PHF14: variants seen among roughly 807,000 people sequenced by gnomAD.
PHF14 encodes PHD finger protein 14.
In PHF14, 55 loss-of-function variants were observed where a neutral mutation model predicts 117.9. The observed-to-expected ratio is 0.47, with a 90% CI of 0.38 to 0.58. The LOEUF (loss-of-function observed/expected upper bound fraction) is 0.58. Ranked by LOEUF, PHF14 falls within the 20% of genes least tolerant of loss-of-function variation. PHF14 has a pLI of 0.00. For synonymous variants in PHF14, 409 were observed against 368.6 expected (o/e 1.11, Z -1.26); for missense variants, 978 against 1,122.2 (o/e 0.87, Z 1.84).
chr7:10,978,051 G>A (rs1263490445), intron 2 of PHF14, among the ~76,000 whole-genome samples: 1 of 152,128 alleles, frequency 6.6e-6, no homozygotes, highest in Non-Finnish European at 1.5e-5. Context: ...AAGTAAAATG[G>A]GGTTAACTTT....
In PHF14 at chr7:11,155,102, G is replaced by C. The variant is rs139571102; in HGVS notation, c.2773-14314G>C. Among the ~76,000 whole-genome samples, 104 of 152,246 alleles carry C rather than the reference G, an allele frequency of 6.8e-4. 4 individuals are homozygous for C. In the East Asian group the frequency reaches 0.017, roughly 25 times the overall value. ...CCTAGAAAGAGGAAAGAATAGACTT[G>C]ATTGTGCTTTCTGTGGGCCAGGATT... On this transcript the variant is annotated intron_variant, in intron 17 of 17. Transcript: ENST00000634607.
rs775113602 is a variant in PHF14 at position 10,989,396 on chromosome 7, T to A, written c.901-1307T>A. On this transcript the variant is annotated intron_variant, in intron 3 of 17. Coordinates refer to ENST00000634607, the MANE Select transcript of PHF14 (RefSeq NM_001007157.2). Reference sequence around the variant, plus strand: ...TGAAAAATATATATTGTGTATTGTATGAAACTAATTTATTAAATTTATTTC... The same window carrying A: ...TGAAAAATATATATTGTGTATTGTAAGAAACTAATTTATTAAATTTATTTC... 5.3e-5 allele frequency among the ~76,000 whole-genome samples: 8 copies of A among 152,250 alleles called. No homozygotes were observed. The South Asian group carries it at 6.2e-4, about 12-fold the overall frequency.
intron 16 of PHF14, among the ~76,000 whole-genome samples, chr7:11,094,733 A>G (rs1162734197): frequency 6.6e-6 from 1 of 152,106 alleles, no homozygotes; most frequent in East Asian, 1.9e-4. Flanking sequence ...GCAAACCTTT[A>G]AAATTTATAA....
intron 6 of PHF14, among the ~76,000 whole-genome samples, chr7:11,023,449 C>T (rs12674325): frequency 0.013 from 1,925 of 152,248 alleles, 41 homozygotes; most frequent in East Asian, 0.1. Context: ...TATGTGTGTT[C>T]TGACTGCTTC....
At chr7:11,073,263 A>G (rs1785693152) in intron 16 of PHF14, among the ~76,000 whole-genome samples, 1 of 152,210 alleles carries the variant, frequency 6.6e-6, no homozygotes, top group Non-Finnish European at 1.5e-5. Context: ...ATCAAAAACA[A>G]GTTATTTACT....
At chr7:11,144,520 T>C (rs1165769113) in intron 17 of PHF14, among the ~76,000 whole-genome samples, 1 of 150,570 alleles carries the variant, frequency 6.6e-6, no homozygotes, top group African/African-American at 2.4e-5. Context: ...GCATTATAAT[T>C]AATAAACTAT....
At position 10,982,527 on chromosome 7, in the gene PHF14, C is replaced by A; in HGVS notation, c.268C>A (p.Leu90Ile). Residue 90 changes from leucine (L) to isoleucine (I), a missense_variant, in exon 3 of 18, where the codon CTA (leucine) becomes ATA (isoleucine). By Grantham distance (5) the Leu-to-Ile change is conservative (BLOSUM62 2). Transcript: ENST00000634607. ...TAAAAATTCTGCAGAGGAAGAAGTACTATCATCAGAAAAACAATTAATTAA... is the reference window on the plus strand; with the variant it reads ...TAAAAATTCTGCAGAGGAAGAAGTAATATCATCAGAAAAACAATTAATTAA... ...QLKNSAEEEV[L>I]SSEKQLIKME... 1 of 1,523,792 alleles carries A rather than the reference C, an allele frequency of 6.6e-7. No individual in the cohort carries two copies. The highest frequency in any genetic ancestry group is 8.9e-7 in the Non-Finnish European group (1 of 1,119,854). 94.4% of individuals were successfully genotyped at this position (1,523,792 alleles called of 1,614,324 possible).
intron 17 of PHF14, among the ~76,000 whole-genome samples, chr7:11,121,472 A>G (rs767493185): frequency 3.9e-4 from 60 of 152,116 alleles, no homozygotes; most frequent in Non-Finnish European, 7.1e-4. Context: ...TGCCTACTTA[A>G]TTGCAGGGGT....
At chr7:10,978,737 C>T (rs1436283409) in intron 2 of PHF14, among the ~76,000 whole-genome samples, 2 of 152,142 alleles carry the variant, frequency 1.3e-5, no homozygotes, top group Non-Finnish European at 2.9e-5. Flanking sequence ...CTACCTGCCC[C>T]AGCCTCACCT....
intron 16 of PHF14, among the ~76,000 whole-genome samples, chr7:11,074,897 C>T (rs536535340): frequency 1.3e-5 from 2 of 151,560 alleles, no homozygotes; most frequent in East Asian, 1.9e-4. Flanking sequence ...AACCTCTGCC[C>T]ATTACCCAGT....
At chr7:11,050,355 A>G (rs1784818601) in intron 13 of PHF14, among the ~76,000 whole-genome samples, 1 of 152,216 alleles carries the variant, frequency 6.6e-6, no homozygotes, top group Non-Finnish European at 1.5e-5. Context: ...AGAGAATACT[A>G]TCAAACTTTT....
At chr7:11,009,816 G>C (rs1406438359) in intron 4 of PHF14, among the ~76,000 whole-genome samples, 1 of 152,200 alleles carries the variant, frequency 6.6e-6, no homozygotes, top group Non-Finnish European at 1.5e-5. Context: ...GTTGTTCTTT[G>C]AGCTTGCACA....
At position 11,138,165 on chromosome 7, in the gene PHF14, C is replaced by T. The variant is rs564034406; in HGVS notation, c.2772+26698C>T. Among the ~76,000 whole-genome samples, 12 of 151,982 alleles carry T rather than the reference C, an allele frequency of 7.9e-5. No homozygotes were observed. In the South Asian group the frequency reaches 8.3e-4, roughly 11 times the overall value. On this transcript the variant is annotated intron_variant, in intron 17 of 17. Transcript: ENST00000634607. ...ACGCCATTCTCCTGCCTCAGCCTCC[C>T]GAGTAGCTGGGATTACATGTGCTCG...
In PHF14 at chr7:11,105,030, AG is replaced by A. The variant is rs747564200; in HGVS notation, c.2655-6319del. On this transcript the variant is annotated intron_variant, in intron 16 of 17. Coordinates refer to ENST00000634607, the MANE Select transcript of PHF14 (RefSeq NM_001007157.2). ...AATTTTTTTTAATTTTATAAAATTT[AG>A]TTAAATGTTTGTTTTACACTGACTA... The A allele has an allele frequency of 7.0e-4, 627 of 894,474 alleles. 1 individual carries two copies. The highest frequency in any genetic ancestry group is 8.1e-4 in the Non-Finnish European group (608 of 747,460). The allele number at this position is 894,474 out of a possible 1,614,324, so 55.4% of individuals were successfully genotyped here.
intron 17 of PHF14, among the ~76,000 whole-genome samples, chr7:11,151,298 G>A (rs1788696269): frequency 6.6e-6 from 1 of 152,080 alleles, no homozygotes; most frequent in African/African-American, 2.4e-5. Context: ...TTTCTCACCT[G>A]TAATCCGAAC....
intron 17 of PHF14, among the ~76,000 whole-genome samples, chr7:11,137,200 C>G (rs1164758985): frequency 6.6e-6 from 1 of 152,142 alleles, no homozygotes; most frequent in Non-Finnish European, 1.5e-5. Flanking sequence ...AAAATATATA[C>G]AAAATTAATG....
At chr7:11,077,778 G>A (rs1785923209) in intron 16 of PHF14, among the ~76,000 whole-genome samples, 1 of 152,020 alleles carries the variant, frequency 6.6e-6, no homozygotes, top group South Asian at 2.1e-4. Flanking sequence ...AGTTAAATGA[G>A]TGGAGCAATA....
At chr7:11,124,939 CAAAGATATTTTAAAACAAATAAGTTGATT>C (rs1255340230) in intron 17 of PHF14, among the ~76,000 whole-genome samples, 1 of 151,964 alleles carries the variant, frequency 6.6e-6, no homozygotes, top group Non-Finnish European at 1.5e-5. Flanking sequence ...GAATAAAACA[CAAAGATATTTTAAAACAAATAAGTTGATT>C]AAAGATGGTG....
At chr7:11,102,597 T>TA in intron 16 of PHF14, 1 of 1,582,702 alleles carries the variant, frequency 6.3e-7, no homozygotes, top group Admixed American at 1.8e-5. Context: ...ATAGAGTACA[T>TA]AAAGTAAAGG....
Sources: gnomAD v4.1 joint callset for allele counts (sites outside exome capture counted in the v4.1 genomes callset) on GRCh38, gnomAD v4.1.1 for gene constraint, MANE v1.5 for transcripts, NCBI Gene and HGNC (gene_info 2026-07-23, HGNC 2026-07-21) for gene names.